Variants in CACNA2D1 observed in about 807,000 individuals in gnomAD.
The protein encoded by CACNA2D1 is calcium voltage-gated channel auxiliary subunit alpha2delta 1, also known as voltage-dependent calcium channel subunit alpha-2/delta-1.
A neutral mutation model predicts 171.5 loss-of-function variants in CACNA2D1; 53 were observed. That is an observed-to-expected ratio of 0.31 (90% CI 0.25 to 0.39). The LOEUF is 0.39. CACNA2D1 is among the 10% of genes least tolerant of loss of function. CACNA2D1 has a pLI of 1.00. For synonymous variants in CACNA2D1, 442 were observed against 443.1 expected (o/e 1.00, Z 0.03); for missense variants, 903 against 1,299.8 (o/e 0.69, Z 4.69).
intron 7 of CACNA2D1, among the ~76,000 whole-genome samples, chr7:82,077,185 T>C (rs1467714512): frequency 6.6e-6 from 1 of 152,176 alleles, no homozygotes; most frequent in Non-Finnish European, 1.5e-5. Context: ...CAAATGTCCA[T>C]ATAGTAACCA....
chr7:82,010,508 C>T (rs1799659583), intron 15 of CACNA2D1, among the ~76,000 whole-genome samples: 1 of 151,974 alleles, frequency 6.6e-6, no homozygotes, highest in African/African-American at 2.4e-5. Flanking sequence ...AATGAACTTC[C>T]AGTCAAAGGA....
intron 3 of CACNA2D1, among the ~76,000 whole-genome samples, chr7:82,331,924 GT>G (rs1236528209): frequency 2.6e-5 from 4 of 151,858 alleles, no homozygotes; most frequent in African/African-American, 9.7e-5. Flanking sequence ...TATTAGATAA[GT>G]TTTTATTACA....
chr7:82,270,263 C>T (rs983287656), intron 3 of CACNA2D1, among the ~76,000 whole-genome samples: 7 of 152,096 alleles, frequency 4.6e-5, no homozygotes, highest in Admixed American at 3.3e-4. Context: ...CAAAAGGTAG[C>T]TATTGTCATG....
intron 5 of CACNA2D1, among the ~76,000 whole-genome samples, chr7:82,122,769 T>C (rs1789887901): frequency 6.6e-6 from 1 of 152,232 alleles, no homozygotes; most frequent in African/African-American, 2.4e-5. Context: ...GGAAACCATG[T>C]AGTAGCATGC....
At chr7:82,272,241 A>T (rs1808727669) in intron 3 of CACNA2D1, among the ~76,000 whole-genome samples, 1 of 152,206 alleles carries the variant, frequency 6.6e-6, no homozygotes, top group African/African-American at 2.4e-5. Flanking sequence ...AAAATATAAA[A>T]TAGCCTTTAT....
chr7:81,990,955 C>A (rs1242877573), intron 21 of CACNA2D1, among the ~76,000 whole-genome samples: 1 of 152,138 alleles, frequency 6.6e-6, no homozygotes, highest in Non-Finnish European at 1.5e-5. Flanking sequence ...CAACATTTCT[C>A]ATGTAAAAAT....
chr7:82,000,511 C>A (rs1798477296), intron 18 of CACNA2D1, among the ~76,000 whole-genome samples: 1 of 152,066 alleles, frequency 6.6e-6, no homozygotes, highest in African/African-American at 2.4e-5. Flanking sequence ...CTTTCAGAAC[C>A]AAACTAGCAC....
chr7:82,260,066 A>T (rs1484341537), intron 3 of CACNA2D1, among the ~76,000 whole-genome samples: 1 of 152,102 alleles, frequency 6.6e-6, no homozygotes, highest in Non-Finnish European at 1.5e-5. Flanking sequence ...TACTAAAAAT[A>T]CACAAATTAG....
intron 25 of CACNA2D1, among the ~76,000 whole-genome samples, chr7:81,972,449 C>T (rs778238784): frequency 5.9e-5 from 9 of 151,662 alleles, no homozygotes; most frequent in Admixed American, 1.3e-4. Flanking sequence ...TGCCGCATAT[C>T]GAGGAGCAAG....
At chr7:82,074,765 T>A (rs2128997025) in intron 7 of CACNA2D1, among the ~76,000 whole-genome samples, 1 of 152,332 alleles carries the variant, frequency 6.6e-6, no homozygotes, top group East Asian at 1.9e-4. Context: ...TAATTTTGAA[T>A]TTTAATTTTG....
chr7:82,443,870 A>T, upstream of CACNA2D1: 146 of 177,360 alleles, frequency 8.2e-4, no homozygotes, highest in Middle Eastern at 2.2e-3. Context: ...ACGGCGCTGG[A>T]GGGTGGGGGT....
At position 81,964,085 on chromosome 7, in the gene CACNA2D1, T is replaced by G. The variant is rs145109446; in HGVS notation, c.2751A>C (p.Gln917His). 6.2e-7 allele frequency: 1 copy of G among 1,612,260 alleles called. No homozygotes were observed. Among genetic ancestry groups the G allele is most frequent in the Admixed American group, 1.7e-5 (1 of 59,778 alleles). ...AYVPSVADIL[Q>H]IGWWATAAAW... is the part of the protein sequence containing the mutation. Reference sequence around the variant, plus strand: ...CAGCAGCAGTGGCCCACCAGCCAATTTGTAATATGTCTGCTACTGATGGCT... The same window carrying G: ...CAGCAGCAGTGGCCCACCAGCCAATGTGTAATATGTCTGCTACTGATGGCT... Residue 917 changes from glutamine to histidine, a missense_variant, in exon 34 of 39, where the codon CAA (glutamine) becomes CAC (histidine). Physicochemically the swap from Gln to His is conservative, Grantham distance 24. Transcript: ENST00000356860.
At chr7:82,151,402 A>C (rs541004165) in intron 4 of CACNA2D1, among the ~76,000 whole-genome samples, 1 of 152,260 alleles carries the variant, frequency 6.6e-6, no homozygotes, top group African/African-American at 2.4e-5. Flanking sequence ...AGATGCACTG[A>C]ATGTCAAATT....
chr7:82,436,700 G>A (rs1279111752), intron 1 of CACNA2D1, among the ~76,000 whole-genome samples: 1 of 152,052 alleles, frequency 6.6e-6, no homozygotes, highest in Admixed American at 6.6e-5. Context: ...TCTTCTCTCT[G>A]CCCCACTTAC....
chr7:82,218,867 A>ATATT (rs1801456683), intron 3 of CACNA2D1, among the ~76,000 whole-genome samples: 1 of 150,634 alleles, frequency 6.6e-6, no homozygotes, highest in Non-Finnish European at 1.5e-5. Context: ...TCAAATAGTT[A>ATATT]TGTATTTTCA....
intron 3 of CACNA2D1, among the ~76,000 whole-genome samples, chr7:82,209,606 C>G (rs1800354312): frequency 3.3e-5 from 5 of 152,014 alleles, no homozygotes; most frequent in Admixed American, 2.6e-4. Flanking sequence ...TTCCTTGTTC[C>G]CAACAGTTAT....
chr7:82,063,193 T>C (rs1189496034), intron 9 of CACNA2D1, among the ~76,000 whole-genome samples: 6 of 152,198 alleles, frequency 3.9e-5, no homozygotes, highest in Admixed American at 2.6e-4. Flanking sequence ...TTGGCTTCTA[T>C]AGATTTTGAA....
At chr7:81,970,964 G>GT in intron 26 of CACNA2D1, 1 of 516,102 alleles carries the variant, frequency 1.9e-6, no homozygotes, top group South Asian at 2.1e-5. Context: ...TGAACATGGA[G>GT]TATGAATTGA....
chr7:82,411,083 T>C (rs925215751), intron 1 of CACNA2D1, among the ~76,000 whole-genome samples: 18 of 152,236 alleles, frequency 1.2e-4, no homozygotes, highest in African/African-American at 4.3e-4. Context: ...TTCCTTTATC[T>C]AGAGAGTGTC....
Sources: gnomAD v4.1 joint callset for allele counts (sites outside exome capture counted in the v4.1 genomes callset) on GRCh38, gnomAD v4.1.1 for gene constraint, MANE v1.5 for transcripts, NCBI Gene and HGNC (gene_info 2026-07-23, HGNC 2026-07-21) for gene names.